ALDH1A2: variants seen among roughly 807,000 people sequenced by gnomAD.
ALDH1A2 encodes the protein aldehyde dehydrogenase 1 family member A2.
ALDH1A2 carries 27 observed loss-of-function variants against 60.3 expected under a neutral mutation model. The observed-to-expected ratio is 0.45, with a 90% CI of 0.33 to 0.62. The LOEUF (loss-of-function observed/expected upper bound fraction) is 0.62. ALDH1A2 is among the 20% of genes least tolerant of loss of function. The pLI is 0.02. For synonymous variants in ALDH1A2, 289 were observed against 232.4 expected (o/e 1.24, Z -2.21); for missense variants, 581 against 643.8 (o/e 0.90, Z 1.06).
chr15:57,981,794 G>C (rs372932188), intron 7 of ALDH1A2, among the ~76,000 whole-genome samples: 16 of 152,282 alleles, frequency 1.1e-4, no homozygotes, highest in Admixed American at 6.5e-4. Context: ...ACTTTACTAA[G>C]AATTAGATCC....
chr15:57,965,270 C>T (rs1361464725), intron 8 of ALDH1A2, among the ~76,000 whole-genome samples: 1 of 152,150 alleles, frequency 6.6e-6, no homozygotes, highest in African/African-American at 2.4e-5. Flanking sequence ...CAGAAAGGGG[C>T]TGGAATTGAC....
intron 7 of ALDH1A2, among the ~76,000 whole-genome samples, chr15:57,973,212 GTTGT>G (rs1894129803): frequency 1.3e-5 from 2 of 152,110 alleles, no homozygotes; most frequent in South Asian, 4.1e-4. Context: ...CTTTATTGAA[GTTGT>G]TTATTGACTT....
chr15:58,003,608 G>A (rs941932281), intron 4 of ALDH1A2, among the ~76,000 whole-genome samples: 1 of 151,704 alleles, frequency 6.6e-6, no homozygotes, highest in African/African-American at 2.4e-5. Context: ...ATCAACACTT[G>A]CTACAGAGAA....
intron 1 of ALDH1A2, among the ~76,000 whole-genome samples, chr15:58,049,730 C>G (rs1470251713): frequency 6.6e-6 from 1 of 152,066 alleles, no homozygotes; most frequent in Non-Finnish European, 1.5e-5. Context: ...CAGGCTGGTT[C>G]AAACATGGTA....
At chr15:57,997,057 AT>A (rs1895087772) in intron 4 of ALDH1A2, among the ~76,000 whole-genome samples, 1 of 152,022 alleles carries the variant, frequency 6.6e-6, no homozygotes, top group Non-Finnish European at 1.5e-5. Context: ...TTTTATGTAT[AT>A]TTTAAATGGA....
intron 12 of ALDH1A2, among the ~76,000 whole-genome samples, chr15:57,959,953 T>C (rs1473503154): frequency 6.6e-6 from 1 of 152,148 alleles, no homozygotes; most frequent in African/African-American, 2.4e-5. Context: ...CCCCCACTGC[T>C]ACCCTGTTTT....
intron 4 of ALDH1A2, among the ~76,000 whole-genome samples, chr15:58,001,967 G>T (rs1167505907): frequency 6.6e-6 from 1 of 151,804 alleles, no homozygotes; most frequent in African/African-American, 2.4e-5. Context: ...CAAATACTAA[G>T]TCACACGTGT....
intron 12 of ALDH1A2, 74 bp from the exon 13 acceptor site, chr15:57,955,343 G>C: frequency 6.7e-7 from 1 of 1,503,394 alleles, no homozygotes; most frequent in Non-Finnish European, 9.3e-7. Flanking sequence ...GGGAGTCCTG[G>C]GGAGGTGCAG....
intron 1 of ALDH1A2, among the ~76,000 whole-genome samples, chr15:58,057,377 C>T (rs1896922218): frequency 6.6e-6 from 1 of 151,766 alleles, no homozygotes; most frequent in Non-Finnish European, 1.5e-5. Context: ...CCACGCAAAA[C>T]AATAGCATGT....
chr15:58,004,397 C>A (rs2140506216), intron 4 of ALDH1A2, among the ~76,000 whole-genome samples: 1 of 151,884 alleles, frequency 6.6e-6, no homozygotes, highest in East Asian at 2.0e-4. Context: ...AACTATGAGC[C>A]TTGGGCTTCT....
At chr15:58,014,757 G>T (rs1895741444) in intron 1 of ALDH1A2, among the ~76,000 whole-genome samples, 1 of 152,212 alleles carries the variant, frequency 6.6e-6, no homozygotes, top group Admixed American at 6.5e-5. Context: ...CTCAGGTCCT[G>T]AACAATGACT....
At chr15:58,059,355 C>A (rs575808361) in intron 1 of ALDH1A2, among the ~76,000 whole-genome samples, 1 of 152,184 alleles carries the variant, frequency 6.6e-6, no homozygotes, top group Non-Finnish European at 1.5e-5. Flanking sequence ...AAAATAGCCA[C>A]GGCCTGGTGC....
chr15:58,056,045 C>T (rs539455101), intron 1 of ALDH1A2, among the ~76,000 whole-genome samples: 1 of 152,090 alleles, frequency 6.6e-6, no homozygotes, highest in Non-Finnish European at 1.5e-5. Context: ...ACAGCGCGAG[C>T]GCACATGAGC....
chr15:58,053,761 T>C (rs1392322139), intron 1 of ALDH1A2, among the ~76,000 whole-genome samples: 1 of 152,144 alleles, frequency 6.6e-6, no homozygotes, highest in African/African-American at 2.4e-5. Flanking sequence ...ATGCTCAATG[T>C]GCTGAACACA....
At chr15:58,009,880 T>C (rs920773278) in intron 4 of ALDH1A2, among the ~76,000 whole-genome samples, 1 of 152,076 alleles carries the variant, frequency 6.6e-6, no homozygotes, top group African/African-American at 2.4e-5. Flanking sequence ...AAGCACTCAA[T>C]TGGTATTAGC....
intron 1 of ALDH1A2, among the ~76,000 whole-genome samples, chr15:58,040,492 C>T (rs1896490852): frequency 1.3e-5 from 2 of 151,850 alleles, no homozygotes; most frequent in African/African-American, 4.8e-5. Flanking sequence ...TTCACCATTT[C>T]ATTTCATCTA....
intron 1 of ALDH1A2, among the ~76,000 whole-genome samples, chr15:58,028,777 C>A (rs1440004479): frequency 6.6e-6 from 1 of 152,016 alleles, no homozygotes; most frequent in Non-Finnish European, 1.5e-5. Context: ...AGACTTTAAA[C>A]CAACAAAGAT....
chr15:57,963,143 A>G lies in ALDH1A2; in HGVS notation c.1086+742T>C, dbSNP rs147741546. 1.4e-3 allele frequency among the ~76,000 whole-genome samples: 206 copies of G among 151,978 alleles called. 1 individual carries two copies. The highest frequency in any genetic ancestry group is 4.9e-3 in the African/African-American group (203 of 41,432). ...CAGACTGGTTCAGGCTGCTGGAGAG[A>G]CTCCTTGGCAGCTCGTAAAAGGATA... On this transcript the variant is annotated intron_variant, in intron 9 of 12. Coordinates refer to ENST00000249750, the MANE Select transcript of ALDH1A2 (RefSeq NM_003888.4).
At chr15:57,962,308 G>T in intron 9 of ALDH1A2, 132 bp from the exon 10 acceptor site, 1 of 1,120,660 alleles carries the variant, frequency 8.9e-7, no homozygotes, top group Non-Finnish European at 1.3e-6. Flanking sequence ...ATATAAAACT[G>T]CTGTTACTTA....
Sources: gnomAD v4.1 joint callset for allele counts (sites outside exome capture counted in the v4.1 genomes callset) on GRCh38, gnomAD v4.1.1 for gene constraint, MANE v1.5 for transcripts, NCBI Gene and HGNC (gene_info 2026-07-23, HGNC 2026-07-21) for gene names.